Variants in NKD1 observed in about 807,000 individuals in gnomAD.
NKD1 encodes the protein NKD inhibitor of Wnt signaling pathway 1.
A neutral mutation model predicts 56.0 loss-of-function variants in NKD1; 21 were observed. The observed-to-expected ratio is 0.38, with a 90% CI of 0.27 to 0.54. The LOEUF (loss-of-function observed/expected upper bound fraction) is 0.54, where lower values mean the gene tolerates loss of function less well. Among genes scored for constraint, NKD1 ranks in the 20% least tolerant of loss-of-function variants. The pLI, the probability that NKD1 is intolerant of heterozygous loss-of-function variation, is 0.82. For synonymous variants in NKD1, 263 were observed against 265.7 expected, an observed-to-expected ratio of 0.99 and a Z score of 0.10; for missense variants, 578 against 642.7, an observed-to-expected ratio of 0.90 and a Z score of 1.09.
intron 3 of NKD1, among the ~76,000 whole-genome samples, chr16:50,583,633 C>A (rs756709411): frequency 1.3e-5 from 2 of 152,088 alleles, no homozygotes; most frequent in African/African-American, 2.4e-5. Flanking sequence ...GTTTTTTTTA[C>A]ACAATGATGG....
intron 1 of NKD1, 29 bp downstream of exon 1, chr16:50,548,607 CG>C: frequency 6.9e-7 from 1 of 1,449,286 alleles, no homozygotes; most frequent in Non-Finnish European, 9.0e-7. Context: ...GCGCTCGCCC[CG>C]GGCCCCGCCG....
intron 3 of NKD1, among the ~76,000 whole-genome samples, chr16:50,586,506 G>C (rs1961233564): frequency 3.3e-5 from 5 of 151,926 alleles, no homozygotes; most frequent in Admixed American, 3.3e-4. Flanking sequence ...GGAGGTGCTG[G>C]GGCTGAAGGG....
intron 3 of NKD1, among the ~76,000 whole-genome samples, chr16:50,592,792 G>A (rs1165228633): frequency 3.3e-5 from 5 of 151,998 alleles, no homozygotes; most frequent in Admixed American, 6.5e-5. Flanking sequence ...GGGAGGGGGC[G>A]GAATTGAAGG....
chr16:50,594,252 G>A (rs948135707), intron 3 of NKD1, among the ~76,000 whole-genome samples: 2 of 152,230 alleles, frequency 1.3e-5, no homozygotes, highest in Admixed American at 1.3e-4. Context: ...GGCCTCTCAC[G>A]TAGCTGGATT....
chr16:50,560,823 CATCTATCTATCT>C (rs150440223), intron 3 of NKD1, among the ~76,000 whole-genome samples: 2 of 148,546 alleles, frequency 1.3e-5, no homozygotes, highest in Non-Finnish European at 3.0e-5. Context: ...TACCCAAACC[CATCTATCTATCT>C]ATCTATCTAT....
At chr16:50,631,971 T>C (rs576853060) in intron 8 of NKD1, among the ~76,000 whole-genome samples, 1 of 152,358 alleles carries the variant, frequency 6.6e-6, no homozygotes, top group Non-Finnish European at 1.5e-5. Flanking sequence ...CACTGGGGCA[T>C]TCCTAGAAGT....
At chr16:50,606,765 A>T in intron 3 of NKD1, 1 of 456,070 alleles carries the variant, frequency 2.2e-6, no homozygotes, top group Non-Finnish European at 4.4e-6. Flanking sequence ...CAGCATGAAG[A>T]GGTGCGCAGA....
chr16:50,590,812 C>CT (rs992940258), intron 3 of NKD1, among the ~76,000 whole-genome samples: 6 of 151,896 alleles, frequency 4.0e-5, no homozygotes, highest in African/African-American at 1.2e-4. Context: ...AGCATTAAGC[C>CT]TTTTTTTTGT....
At chr16:50,573,820 A>C (rs1960936036) in intron 3 of NKD1, 1 of 985,382 alleles carries the variant, frequency 1.0e-6, no homozygotes, top group Non-Finnish European at 1.2e-6. Flanking sequence ...ACTCTCACGG[A>C]AACGGGTTGG....
intron 3 of NKD1, among the ~76,000 whole-genome samples, chr16:50,550,911 A>G (rs778208131): frequency 1.5e-4 from 23 of 152,096 alleles, no homozygotes; most frequent in Non-Finnish European, 3.1e-4. Context: ...TATTTTTACA[A>G]AGTATTCCTG....
intron 4 of NKD1, among the ~76,000 whole-genome samples, chr16:50,610,438 A>G (rs1961818599): frequency 6.6e-6 from 1 of 151,574 alleles, no homozygotes; most frequent in South Asian, 2.1e-4. Flanking sequence ...AGGGTGGGGG[A>G]TATGGTGTGG....
intron 3 of NKD1, among the ~76,000 whole-genome samples, chr16:50,603,318 C>T (rs2151274342): frequency 6.6e-6 from 1 of 152,284 alleles, no homozygotes; most frequent in Admixed American, 6.5e-5. Context: ...CGAGAGGGGA[C>T]AAGAGGAAGG....
chr16:50,584,719 C>A (rs892008350), intron 3 of NKD1, among the ~76,000 whole-genome samples: 1 of 152,324 alleles, frequency 6.6e-6, no homozygotes, highest in Non-Finnish European at 1.5e-5. Flanking sequence ...GCCATAGGCA[C>A]ATGGAGAATT....
chr16:50,628,222 C>T (rs187277334), intron 6 of NKD1, among the ~76,000 whole-genome samples: 159 of 152,310 alleles, frequency 1.0e-3, no homozygotes, highest in African/African-American at 3.5e-3. Flanking sequence ...AACAGAAGAT[C>T]CTGGATTTCT....
At chr16:50,592,424 G>A (rs902485564) in intron 3 of NKD1, among the ~76,000 whole-genome samples, 1 of 152,210 alleles carries the variant, frequency 6.6e-6, no homozygotes, top group Non-Finnish European at 1.5e-5. Context: ...TGGTTTTATC[G>A]ATGCACAGAG....
chr16:50,548,408 G>T lies in NKD1; in HGVS notation c.-146G>T. On this transcript the variant is annotated 5_prime_UTR_variant, in exon 1 of 10. Transcript: ENST00000268459. ...GCTCCCGGGCGTCAGTCGGGCCGCG[G>T]CGACGGCGGCAGGAGCGCGTCCCGG... 1 of 365,682 alleles carries T rather than the reference G, an allele frequency of 2.7e-6. No individual in the cohort carries two copies. The highest frequency in any genetic ancestry group is 1.2e-4 in the South Asian group (1 of 8,462). The allele number at this position is 365,682 out of a possible 1,614,324, so 22.7% of individuals were successfully genotyped here. A position where few individuals can be genotyped will look rare whatever the true frequency, so the allele number is the denominator to read the frequency against.
At chr16:50,550,513 C>T (rs528102369) in intron 3 of NKD1, among the ~76,000 whole-genome samples, 1 of 151,942 alleles carries the variant, frequency 6.6e-6, no homozygotes, top group Non-Finnish European at 1.5e-5. Context: ...GTGCTGGTGT[C>T]GGGAGGTGGA....
intron 3 of NKD1, among the ~76,000 whole-genome samples, chr16:50,584,421 A>G (rs892066474): frequency 2.0e-5 from 3 of 152,232 alleles, no homozygotes; most frequent in African/African-American, 7.2e-5. Flanking sequence ...TAGTACATGA[A>G]TGTAATCAGC....
At chr16:50,562,387 C>CT (rs1265765298) in intron 3 of NKD1, 1 of 496,758 alleles carries the variant, frequency 2.0e-6, no homozygotes, top group Non-Finnish European at 2.6e-6. Flanking sequence ...GAGAATTTTG[C>CT]TTTTCATTTT....
Sources: allele counts gnomAD v4.1 joint callset (sites outside exome capture counted in the v4.1 genomes callset), GRCh38; gene constraint gnomAD v4.1.1; transcripts MANE v1.5; gene names NCBI Gene and HGNC (gene_info 2026-07-23, HGNC 2026-07-21).